Variants in PPIP5K2 observed in about 807,000 individuals in gnomAD.
PPIP5K2 encodes inositol hexakisphosphate and diphosphoinositol-pentakisphosphate kinase 2.
A neutral mutation model predicts 154.6 loss-of-function variants in PPIP5K2; 105 were observed. The ratio of observed to expected loss-of-function variants is 0.68; its 90% confidence interval spans 0.58 to 0.80. The LOEUF (loss-of-function observed/expected upper bound fraction) is 0.80. Among genes scored for constraint, PPIP5K2 ranks in the 30% least tolerant of loss-of-function variants. The pLI is 0.00. For synonymous variants in PPIP5K2, 480 were observed against 490.3 expected (o/e 0.98, Z 0.28); for missense variants, 992 against 1,504.6 (o/e 0.66, Z 5.64).
At chr5:103,168,469 C>T (rs1445560873) in intron 19 of PPIP5K2, among the ~76,000 whole-genome samples, 174 bp downstream of exon 19, 1 of 151,832 alleles carries the variant, frequency 6.6e-6, no homozygotes, top group Non-Finnish European at 1.5e-5. Flanking sequence ...GTATTGATCA[C>T]ATTATTTGAT....
chr5:103,159,695 A>G (rs1554215007), intron 17 of PPIP5K2, among the ~76,000 whole-genome samples: 1 of 152,160 alleles, frequency 6.6e-6, no homozygotes, highest in East Asian at 1.9e-4. Flanking sequence ...ATGACACAAC[A>G]TGTTTTAAAA....
intron 20 of PPIP5K2, 104 bp from the exon 21 acceptor site, chr5:103,173,752 CTT>C (rs1432158800): frequency 2.6e-6 from 2 of 775,258 alleles, no homozygotes; most frequent in Non-Finnish European, 4.2e-6. Flanking sequence ...TTTTTGTGGT[CTT>C]TTACTTCTAG....
chr5:103,193,929 A>G (rs1337183170), intron 29 of PPIP5K2, among the ~76,000 whole-genome samples: 1 of 152,066 alleles, frequency 6.6e-6, no homozygotes, highest in Non-Finnish European at 1.5e-5. Flanking sequence ...ACACCTCTCA[A>G]TTTCTCTGCC....
intron 13 of PPIP5K2, 22 bp downstream of exon 13, chr5:103,154,965 T>C (rs1554212657): frequency 7.0e-7 from 1 of 1,424,908 alleles, no homozygotes; most frequent in Non-Finnish European, 9.6e-7. Context: ...TTTGAAACGC[T>C]TAATTGTGGT....
chr5:103,154,620 G>T (rs1253800326), intron 11 of PPIP5K2, 50 bp from the exon 12 acceptor site: 2 of 1,089,624 alleles, frequency 1.8e-6, no homozygotes, highest in Admixed American at 2.3e-5. Context: ...ACATATATTG[G>T]TAATGTTAAT....
Position 103,138,404 on chromosome 5 carries a change from T to C in PPIP5K2, c.422T>C (p.Leu141Pro). 6.3e-7 allele frequency: 1 copy of C among 1,599,046 alleles called. No individual in the cohort carries two copies. The highest frequency in any genetic ancestry group is 1.1e-5 in the South Asian group (1 of 90,462). The part of the protein sequence containing the change: ...IQDRREVYSI[L>P]QAEGILLPRY... Reference sequence around the variant, plus strand: ...TTCAGGAGAGAAGTATATAGTATTCTTCAAGCTGAAGGTATTTTACTTCCT... The same window carrying C: ...TTCAGGAGAGAAGTATATAGTATTCCTCAAGCTGAAGGTATTTTACTTCCT... The change falls in exon 5 of 31, where the codon CTT becomes CCT. Residue 141 changes from leucine (L) to proline (P), a missense_variant. Physicochemically the swap from Leu to Pro is moderately conservative, Grantham distance 98. Coordinates refer to ENST00000358359, the MANE Select transcript of PPIP5K2 (RefSeq NM_001276277.3).
intron 23 of PPIP5K2, among the ~76,000 whole-genome samples, chr5:103,179,373 C>T (rs981118800): frequency 1.1e-4 from 16 of 151,916 alleles, no homozygotes; most frequent in Non-Finnish European, 1.9e-4. Context: ...TATGGTCCAA[C>T]GTATGCATTA....
At chr5:103,174,437 A>T (rs2149708490) in intron 21 of PPIP5K2, among the ~76,000 whole-genome samples, 1 of 152,016 alleles carries the variant, frequency 6.6e-6, no homozygotes, top group East Asian at 1.9e-4. Flanking sequence ...TCAATTATGA[A>T]GTTTCTCTTA....
chr5:103,138,036 T>C (rs1791859200), intron 4 of PPIP5K2, among the ~76,000 whole-genome samples: 1 of 152,172 alleles, frequency 6.6e-6, no homozygotes, highest in Non-Finnish European at 1.5e-5. Flanking sequence ...TTAAATACTA[T>C]TTAAGCATAA....
At chr5:103,161,534 T>C (rs1278336308) in intron 17 of PPIP5K2, among the ~76,000 whole-genome samples, 10 of 152,112 alleles carry the variant, frequency 6.6e-5, no homozygotes, top group South Asian at 2.1e-4. Flanking sequence ...GGAATCGCCA[T>C]ACTGTCTTCC....
intron 3 of PPIP5K2, chr5:103,136,160 A>G (rs1428436353): frequency 6.6e-6 from 1 of 152,194 alleles, no homozygotes; most frequent in Admixed American, 6.6e-5. Context: ...TTTAGTAGAG[A>G]TGGGGTTTCA....
At chr5:103,170,785 A>G (rs1158295562) in intron 19 of PPIP5K2, among the ~76,000 whole-genome samples, 3 of 151,576 alleles carry the variant, frequency 2.0e-5, no homozygotes, top group Non-Finnish European at 4.4e-5. Context: ...ATAACTAACA[A>G]TTATAAACAT....
At chr5:103,142,691 G>A (rs1001845663) in intron 5 of PPIP5K2, among the ~76,000 whole-genome samples, 1 of 151,564 alleles carries the variant, frequency 6.6e-6, no homozygotes, top group Non-Finnish European at 1.5e-5. Flanking sequence ...CAGGAGAATG[G>A]CATGAACCCA....
At chr5:103,189,902 CTT>C (rs1427098590) in intron 28 of PPIP5K2, among the ~76,000 whole-genome samples, 1 of 151,884 alleles carries the variant, frequency 6.6e-6, no homozygotes, top group African/African-American at 2.4e-5. Flanking sequence ...TTATATAAAA[CTT>C]TGAGTATTAT....
At chr5:103,175,092 G>T (rs1296451998) in intron 21 of PPIP5K2, among the ~76,000 whole-genome samples, 1 of 152,076 alleles carries the variant, frequency 6.6e-6, no homozygotes, top group African/African-American at 2.4e-5. Flanking sequence ...ACGCATCTGT[G>T]CACGTCTGTG....
In PPIP5K2 at chr5:103,210,462, G is replaced by A. The variant is rs1372686512; in HGVS notation, c.*8828G>A. ...AGCCTCTTCAGAAAAGAGCAAAGTT[G>A]TCTGCTCTAATGGATAGAATAAGGA... On this transcript the variant is annotated 3_prime_UTR_variant, in exon 31 of 31. Transcript: ENST00000358359. 2 of 151,982 alleles carry A rather than the reference G, an allele frequency of 1.3e-5. No individual in the cohort carries two copies. Among genetic ancestry groups the A allele is most frequent in the African/African-American group, 4.8e-5 (2 of 41,388 alleles). 9.4% of individuals were successfully genotyped at this position (151,982 alleles called of 1,614,324 possible).
At chr5:103,164,631 C>T (rs1796857637) in intron 17 of PPIP5K2, among the ~76,000 whole-genome samples, 2 of 151,984 alleles carry the variant, frequency 1.3e-5, no homozygotes, top group African/African-American at 4.8e-5. Flanking sequence ...GTTTTGCTTC[C>T]ATAATTCTTT....
chr5:103,202,782 G>A lies in PPIP5K2; in HGVS notation c.*1148G>A, dbSNP rs1001659274. The A allele has an allele frequency of 7.9e-5, 12 of 152,114 alleles. No individual in the cohort carries two copies. Among genetic ancestry groups the A allele is most frequent in the African/African-American group, 2.9e-4 (12 of 41,534 alleles). The allele number at this position is 152,114 out of a possible 1,614,324, so 9.4% of individuals were successfully genotyped here. ...AAATGACTTAAACTGTAATCCAAAT[G>A]GGACAATCTGATAAGAATTTCATGC... is the stretch of plus-strand genomic sequence containing the variant. On this transcript the variant is annotated 3_prime_UTR_variant, in exon 31 of 31. Transcript: ENST00000358359.
intron 6 of PPIP5K2, 129 bp downstream of exon 6, chr5:103,146,810 A>G: frequency 1.4e-6 from 1 of 729,170 alleles, no homozygotes; most frequent in Middle Eastern, 3.8e-4. Context: ...AGGTAAATTT[A>G]TGAAACTGAT....
Sources: allele counts gnomAD v4.1 joint callset (sites outside exome capture counted in the v4.1 genomes callset), GRCh38; gene constraint gnomAD v4.1.1; transcripts MANE v1.5; gene names NCBI Gene and HGNC (gene_info 2026-07-23, HGNC 2026-07-21).